Variants in PCGF1 observed in about 807,000 individuals in gnomAD.
The protein encoded by PCGF1 is polycomb group ring finger 1, also known as polycomb group RING finger protein 1.
In PCGF1, 10 loss-of-function variants were observed where a neutral mutation model predicts 38.8. That is an observed-to-expected ratio of 0.26 (90% confidence interval 0.16 to 0.44). The LOEUF (loss-of-function observed/expected upper bound fraction) is 0.44, where lower values mean the gene tolerates loss of function less well. PCGF1 is among the 20% of genes least tolerant of loss of function. The pLI, the probability that PCGF1 is intolerant of heterozygous loss-of-function variation, is 1.00. For missense variants in PCGF1, 230 were observed against 331.5 expected, an observed-to-expected ratio of 0.69 and a Z score of 2.38; for synonymous variants, 119 against 121.3, an observed-to-expected ratio of 0.98 and a Z score of 0.12.
rs1162904990 is a variant in PCGF1, at chr2:74,507,161, C to T, written c.94-14G>A. ...TCGAACCTCCTCCTGAAGATACACC[C>T]TCCGTCACCAATCATCCACCCTCAA... is the stretch of plus-strand genomic sequence containing the variant. On this transcript the variant is annotated splice_polypyrimidine_tract_variant and intron_variant, in intron 1 of 8. Coordinates refer to ENST00000233630, the MANE Select transcript of PCGF1 (RefSeq NM_032673.3). 1 of 1,611,306 alleles carries T rather than the reference C, an allele frequency of 6.2e-7. No individual in the cohort carries two copies. Among genetic ancestry groups the T allele is most frequent in the Non-Finnish European group, 8.5e-7 (1 of 1,177,888 alleles).
At position 74,505,231 on chromosome 2, in the gene PCGF1, TC is replaced by T. The variant is rs758625790; in HGVS notation, c.733-42del. ...GGAAGTAGTAGTCAGTGGGGAATGT[TC>T]TTATATTATTCAAAGGGCCCCTCAG... On this transcript the variant is annotated intron_variant, in intron 8 of 8. Transcript: ENST00000233630. 5 of 1,567,462 alleles carry T rather than the reference TC, an allele frequency of 3.2e-6. No homozygotes were observed. In the South Asian group the frequency reaches 4.7e-5, roughly 15 times the overall value.
Position 74,506,070 on chromosome 2 carries a change from G to T in PCGF1, c.425-13C>A. 6.2e-7 allele frequency: 1 copy of T among 1,614,002 alleles called. No homozygotes were observed. Among genetic ancestry groups the T allele is most frequent in the Admixed American group, 1.7e-5 (1 of 60,030 alleles). On this transcript the variant is annotated splice_polypyrimidine_tract_variant and intron_variant, in intron 4 of 8. Transcript: ENST00000233630. ...CTCAGTGCTGGCTCTGAGAAAGATA[G>T]GGTAGTGAGGTGGCTGGTGGCACAC...
intron 2 of PCGF1, 76 bp from the exon 3 acceptor site, chr2:74,506,960 T>A: frequency 6.2e-7 from 1 of 1,603,226 alleles, no homozygotes; most frequent in Non-Finnish European, 8.5e-7. Context: ...CCTGGATGCG[T>A]GAGGCAGGCC....
intron 2 of PCGF1, 67 bp downstream of exon 2, chr2:74,506,975 A>G: frequency 2.5e-6 from 4 of 1,601,126 alleles, no homozygotes; most frequent in Non-Finnish European, 3.4e-6. Flanking sequence ...CAGGCCGCAC[A>G]GAAGCTGGCA....
chr2:74,505,671 G>C lies in PCGF1; in HGVS notation c.565-33C>G, dbSNP rs202141276. 7.4e-6 allele frequency: 12 copies of C among 1,614,002 alleles called. 1 individual carries two copies. In the South Asian group the frequency reaches 1.3e-4, roughly 18 times the overall value. On this transcript the variant is annotated intron_variant, in intron 6 of 8. Coordinates refer to ENST00000233630, the MANE Select transcript of PCGF1 (RefSeq NM_032673.3). ...CAGGGAGGGGAGGGAAGAGGGCAAG[G>C]TGTGTGAGGGAAGGACCATGGGAGG...
chr2:74,505,211 T>G (rs1171327750), intron 8 of PCGF1, 21 bp from the exon 9 acceptor site: 1 of 1,562,998 alleles, frequency 6.4e-7, no homozygotes, highest in African/African-American at 1.4e-5. Context: ...AATGAGGAAG[T>G]AGTAGTCAGT....
chr2:74,507,523 G>T, intron 1 of PCGF1, 53 bp downstream of exon 1: 1 of 1,545,934 alleles, frequency 6.5e-7, no homozygotes. Context: ...CCTTTAGCCC[G>T]CCCCAATTCG....
Position 74,506,012 on chromosome 2 carries a change from T to C in PCGF1, c.470A>G (p.His157Arg). 6.2e-7 allele frequency: 1 copy of C among 1,613,858 alleles called. No homozygotes were observed. The highest frequency in any genetic ancestry group is 1.7e-5 in the Admixed American group (1 of 59,986). ...NLGLPFSSFD[H>R]SKAHYYRYDE... ...ATAGCGATAGTAGTGGGCTTTAGAG[T>C]GGTCAAAGCTGCTGAAGGGGAGGCC... is the stretch of plus-strand genomic sequence containing the variant. Residue 157 changes from histidine (H) to arginine (R), a missense_variant, in exon 5 of 9, where the codon CAC becomes CGC. This residue lies in a region of PCGF1 where 144 missense variants were observed against 182.4 expected (regional missense o/e 0.79). Coordinates refer to ENST00000233630, the MANE Select transcript of PCGF1 (RefSeq NM_032673.3).
intron 8 of PCGF1, 48 bp from the exon 9 acceptor site, chr2:74,505,238 T>C (rs372441266): frequency 1.2e-4 from 192 of 1,566,294 alleles, no homozygotes; most frequent in Non-Finnish European, 1.6e-4. Context: ...TGTTCTTATA[T>C]TATTCAAAGG....
At position 74,505,747 on chromosome 2, in the gene PCGF1, C is replaced by T; in HGVS notation, c.554G>A (p.Ser185Asn). 4 of 1,614,204 alleles carry T rather than the reference C, an allele frequency of 2.5e-6. No homozygotes were observed. The highest frequency in any genetic ancestry group is 3.4e-6 in the Non-Finnish European group (4 of 1,180,036). The change falls in exon 6 of 9, where the codon AGC becomes AAC. Residue 185 changes from serine to asparagine, a missense_variant. By Grantham distance (46) the Ser-to-Asn change is conservative. Transcript: ENST00000233630. Reference protein sequence around the residue: ...RLSSGKDKNKSVLQNKYVRCS... With the variant: ...RLSSGKDKNKNVLQNKYVRCS... Reference sequence around the variant, plus strand: ...CTCAGCCCTTCTCACCTGCAGGACGCTTTTATTCTTGTCTTTGCCAGAACT... The same window carrying T: ...CTCAGCCCTTCTCACCTGCAGGACGTTTTTATTCTTGTCTTTGCCAGAACT...
At chr2:74,506,698 C>G (rs759025777) in intron 3 of PCGF1, 34 bp downstream of exon 3, 16 of 1,611,940 alleles carry the variant, frequency 9.9e-6, no homozygotes, top group East Asian at 2.2e-5. Context: ...AATTAGTCCT[C>G]AAGAGGCCCC....
chr2:74,506,281 G>A (rs1217711207), intron 3 of PCGF1, 29 bp from the exon 4 acceptor site: 6 of 1,610,278 alleles, frequency 3.7e-6, no homozygotes, highest in East Asian at 4.5e-5. Context: ...TGAGAATAAA[G>A]TATTAGCCCT....
At position 74,505,357 on chromosome 2, in the gene PCGF1, G is replaced by A. The variant is rs1017878370; in HGVS notation, c.714C>T (p.Leu238=). The part of the protein sequence containing the change: ...PDHMTMKQIW[L]SRWFGKPSPL... ...GGCTTACCTTGCCGAACCAGCGGGA[G>A]AGCCATATCTGCTTCATTGTCATGT... The change falls in exon 8 of 9, where the codon CTC becomes CTT. Residue 238 remains leucine, a synonymous_variant. Transcript: ENST00000233630. 1.2e-5 allele frequency: 19 copies of A among 1,609,556 alleles called. No homozygotes were observed. The African/African-American group carries it at 2.3e-4, about 19-fold the overall frequency.
chr2:74,506,787 T>C lies in PCGF1; in HGVS notation c.297A>G (p.Lys99=), dbSNP rs779159419. The C allele has an allele frequency of 1.9e-6, 3 of 1,613,978 alleles. No homozygotes were observed. Among genetic ancestry groups the C allele is most frequent in the Non-Finnish European group, 2.5e-6 (3 of 1,180,000 alleles). Residue 99 remains lysine (K), a synonymous_variant, in exon 3 of 9, where the codon AAA becomes AAG. Transcript: ENST00000233630. ...IHETQPLLNL[K]LDRVMQDIVY... ...CGATGTCCTGCATGACCCGGTCCAG[T>C]TTGAGGTTGAGCAGTGGCTGTGTCT...
At position 74,507,036 on chromosome 2, in the gene PCGF1, A is replaced by T. The variant is rs768275719; in HGVS notation, c.199+6T>A. ...GGAAGAACTAGGCAGTCTCCAAGGC[A>T]CTCACAAGTATGAAGACACTCTGTG... is the stretch of plus-strand genomic sequence containing the variant. On this transcript the variant is annotated splice_donor_region_variant and intron_variant, in intron 2 of 8. Coordinates refer to ENST00000233630, the MANE Select transcript of PCGF1 (RefSeq NM_032673.3). 6.2e-7 allele frequency: 1 copy of T among 1,612,288 alleles called. No individual in the cohort carries two copies. Among genetic ancestry groups the T allele is most frequent in the Non-Finnish European group, 8.5e-7 (1 of 1,178,428 alleles).
At chr2:74,506,609 A>C (rs1297613230) in intron 3 of PCGF1, 123 bp downstream of exon 3, 6 of 1,106,712 alleles carry the variant, frequency 5.4e-6, no homozygotes, top group Non-Finnish European at 8.1e-6. Flanking sequence ...GCCCTTCCTC[A>C]CTTTTTGTCC....
At chr2:74,507,501 G>A (rs1217512335) in intron 1 of PCGF1, 75 bp downstream of exon 1, 3 of 1,531,100 alleles carry the variant, frequency 2.0e-6, no homozygotes, top group Non-Finnish European at 2.6e-6. Context: ...CGCCCGGCCA[G>A]CCACCGCCCG....
intron 1 of PCGF1, 37 bp from the exon 2 acceptor site, chr2:74,507,184 C>T: frequency 6.3e-7 from 1 of 1,598,656 alleles, no homozygotes. Context: ...CATCCACCCT[C>T]AAACCCCAAC....
chr2:74,505,714 G>C, intron 6 of PCGF1, 23 bp downstream of exon 6: 1 of 1,614,046 alleles, frequency 6.2e-7, no homozygotes, highest in South Asian at 1.1e-5. Context: ...CCTTAGAGAG[G>C]CCCTCCCCTC....
Sources: gnomAD v4.1 joint callset for allele counts on GRCh38, gnomAD v4.1.1 for gene constraint, gnomAD v4.1.1 regional missense constraint, MANE v1.5 for transcripts, NCBI Gene and HGNC (gene_info 2026-07-23, HGNC 2026-07-21) for gene names.